The following RARB variants were observed in gnomAD, a reference collection of about 807,000 sequenced individuals.
RARB encodes retinoic acid receptor beta, also known as HBV-activated protein.
Under a neutral mutation model 51.9 loss-of-function variants are expected in RARB, and 17 were observed. The ratio of observed to expected loss-of-function variants is 0.33; its 90% CI spans 0.22 to 0.49. The LOEUF (loss-of-function observed/expected upper bound fraction) is 0.49, where lower values mean the gene tolerates loss of function less well. Among genes scored for constraint, RARB ranks in the 20% least tolerant of loss-of-function variants. The pLI is 0.99. For synonymous variants in RARB, 215 were observed against 195.4 expected, an observed-to-expected ratio of 1.10 and a Z score of -0.84; for missense variants, 369 against 550.8, an observed-to-expected ratio of 0.67 and a Z score of 3.30.
At chr3:25,351,823 C>T (rs1431770680) in intron 5 of RARB, among the ~76,000 whole-genome samples, 3 of 152,108 alleles carry the variant, frequency 2.0e-5, no homozygotes, top group Non-Finnish European at 4.4e-5. Context: ...GGTCTGGCTG[C>T]ACAAGGAGGC....
intron 5 of RARB, among the ~76,000 whole-genome samples, chr3:25,366,512 G>A (rs894849500): frequency 6.6e-6 from 1 of 151,172 alleles, no homozygotes. Context: ...TGTGTAGATA[G>A]CACAAAGATT....
intron 3 of RARB, among the ~76,000 whole-genome samples, chr3:25,093,501 C>T (rs557094331): frequency 3.3e-5 from 5 of 152,038 alleles, no homozygotes; most frequent in Non-Finnish European, 5.9e-5. Context: ...GCCCTTCCCC[C>T]CAAACTAGAG....
At chr3:25,271,318 T>TTTCAAAAAAAA in intron 5 of RARB, among the ~76,000 whole-genome samples, 1 of 152,294 alleles carries the variant, frequency 6.6e-6, no homozygotes, top group Non-Finnish European at 1.5e-5. Context: ...AATAGTGTGC[T>TTTCAAAAAAAA]AACCAAAAAT....
At chr3:25,296,799 T>A (rs1703925790) in intron 5 of RARB, among the ~76,000 whole-genome samples, 1 of 152,216 alleles carries the variant, frequency 6.6e-6, no homozygotes, top group South Asian at 2.1e-4. Context: ...TTGCTTTTGT[T>A]CACCTGCCTG....
intron 1 of RARB, among the ~76,000 whole-genome samples, chr3:25,434,836 G>A (rs976278852): frequency 1.3e-5 from 2 of 151,674 alleles, no homozygotes; most frequent in African/African-American, 2.4e-5. Flanking sequence ...CACCGAGCCC[G>A]GCCTTGTATT....
rs146233925 is a variant in RARB at position 25,014,076 on chromosome 3, C to T, written c.-379-46049C>T. Among the ~76,000 whole-genome samples the T allele has an allele frequency of 2.9e-3, 435 of 152,204 alleles. 3 individuals are homozygous for T. The highest frequency in any genetic ancestry group is 0.01 in the African/African-American group (420 of 41,560). On this transcript the variant is annotated intron_variant, in intron 2 of 11. Transcript: ENST00000383772. ...TGAGAGCCAGAAACTCAAAACTTAC[C>T]TCCTTATCAGCTCAAGCAGAAATAG...
chr3:25,185,914 C>T lies in RARB; in HGVS notation c.178+11339C>T, dbSNP rs973009460. On this transcript the variant is annotated intron_variant, in intron 5 of 11. Transcript: ENST00000383772. ...ATATATAAATTGCTGCAAAGGCTAA[C>T]ATCATCTTTAGTACTTGTCACAGTT... is the stretch of plus-strand genomic sequence containing the variant. 3.3e-5 allele frequency among the ~76,000 whole-genome samples: 5 copies of T among 152,218 alleles called. No homozygotes were observed. In the South Asian group the frequency reaches 6.2e-4, roughly 19 times the overall value.
rs1211973476 is a variant in RARB, at chr3:25,147,579, G to A, written c.-280+15371G>A. Among the ~76,000 whole-genome samples the A allele has an allele frequency of 2.0e-5, 3 of 152,310 alleles. No homozygotes were observed. The East Asian group carries it at 5.8e-4, about 29-fold the overall frequency. On this transcript the variant is annotated intron_variant, in intron 4 of 11. Coordinates refer to the RARB transcript ENST00000383772. ...AGAAAAGTGGTTACTCTTCTAATCAGGTTGATGGTCTAGGATCAGGAAGAT... is the reference window on the plus strand; with the variant it reads ...AGAAAAGTGGTTACTCTTCTAATCAAGTTGATGGTCTAGGATCAGGAAGAT...
intron 3 of RARB, among the ~76,000 whole-genome samples, chr3:25,098,289 T>TCATAAC (rs1249552344): frequency 1.3e-5 from 2 of 152,170 alleles, no homozygotes; most frequent in Non-Finnish European, 2.9e-5. Context: ...AGAAAGATTT[T>TCATAAC]CATAACCACT....
chr3:24,937,205 T>G (rs2125397427), intron 2 of RARB, among the ~76,000 whole-genome samples: 1 of 152,326 alleles, frequency 6.6e-6, no homozygotes, highest in South Asian at 2.1e-4. Context: ...CTTTCTTCTC[T>G]TTATTTTTGC....
intron 2 of RARB, among the ~76,000 whole-genome samples, chr3:24,973,747 A>G (rs1448963174): frequency 6.6e-6 from 1 of 151,920 alleles, no homozygotes; most frequent in East Asian, 1.9e-4. Flanking sequence ...AATTTTTTTC[A>G]GAGTGTTCAC....
intron 5 of RARB, among the ~76,000 whole-genome samples, chr3:25,403,866 A>C (rs1707332007): frequency 7.7e-6 from 1 of 129,508 alleles, no homozygotes; most frequent in Non-Finnish European, 1.6e-5. Context: ...CAAGTGTCAC[A>C]AGCTGTGAAT....
chr3:25,214,918 GA>G (rs1377933761), intron 5 of RARB, among the ~76,000 whole-genome samples: 1 of 152,162 alleles, frequency 6.6e-6, no homozygotes, highest in Non-Finnish European at 1.5e-5. Flanking sequence ...AAGAGTCACA[GA>G]AGCTATTTTT....
intron 4 of RARB, among the ~76,000 whole-genome samples, chr3:25,172,589 C>T (rs1442444006): frequency 6.6e-6 from 1 of 152,138 alleles, no homozygotes; most frequent in Non-Finnish European, 1.5e-5. Flanking sequence ...CAACCTTACC[C>T]AGATCCCTCG....
intron 4 of RARB, among the ~76,000 whole-genome samples, chr3:25,145,037 G>T (rs561835514): frequency 6.6e-6 from 1 of 152,258 alleles, no homozygotes; most frequent in South Asian, 2.1e-4. Flanking sequence ...GAGGCTGTGG[G>T]CTCTATCGTC....
intron 5 of RARB, among the ~76,000 whole-genome samples, chr3:25,203,594 G>A (rs1701452849): frequency 6.6e-6 from 1 of 152,116 alleles, no homozygotes; most frequent in Admixed American, 6.5e-5. Context: ...CATGTTTAGT[G>A]CTTCCTTCAG....
rs146750567 is a variant in RARB, at chr3:25,489,973, C to T, written c.307-11209C>T. On this transcript the variant is annotated intron_variant, in intron 2 of 7. Coordinates refer to ENST00000330688, the MANE Select transcript of RARB (RefSeq NM_000965.5). ...ACAAGGACAGAATCCATTTTGAGAG[C>T]TGGAGCTTAAGTAATATTTTCTCAA... Among the ~76,000 whole-genome samples the T allele has an allele frequency of 2.8e-3, 430 of 152,336 alleles. 2 individuals carry two copies. The highest frequency in any genetic ancestry group is 9.7e-3 in the African/African-American group (404 of 41,570).
intron 5 of RARB, among the ~76,000 whole-genome samples, chr3:25,235,680 G>T (rs1261192038): frequency 6.6e-6 from 1 of 152,168 alleles, no homozygotes; most frequent in East Asian, 1.9e-4. Context: ...CAGCTCTTGA[G>T]TGAGGTTACA....
chr3:25,320,722 T>G (rs1428741976), intron 5 of RARB, among the ~76,000 whole-genome samples: 1 of 152,224 alleles, frequency 6.6e-6, no homozygotes, highest in African/African-American at 2.4e-5. Flanking sequence ...CTCAAAAAAG[T>G]GCTAAAGGAG....
Sources: allele counts gnomAD v4.1 joint callset (sites outside exome capture counted in the v4.1 genomes callset), GRCh38; gene constraint gnomAD v4.1.1; transcripts MANE v1.5; gene names NCBI Gene and HGNC (gene_info 2026-07-23, HGNC 2026-07-21).